Variants in CDK1 observed in about 807,000 individuals in gnomAD.
The protein encoded by CDK1 is cyclin dependent kinase 1.
In CDK1, 5 loss-of-function variants were observed where a neutral mutation model predicts 34.6. The ratio of observed to expected loss-of-function variants is 0.14; its 90% CI spans 0.08 to 0.30. The LOEUF (loss-of-function observed/expected upper bound fraction) is 0.30, where lower values mean the gene tolerates loss of function less well. Among genes scored for constraint, CDK1 ranks in the 10% least tolerant of loss-of-function variants. The pLI is 1.00. For missense variants in CDK1, 157 were observed against 345.7 expected, an observed-to-expected ratio of 0.45 and a Z score of 4.33; for synonymous variants, 108 against 114.7, an observed-to-expected ratio of 0.94 and a Z score of 0.37.
intron 2 of CDK1, among the ~76,000 whole-genome samples, chr10:60,782,421 G>T (rs1431279767): frequency 3.3e-5 from 5 of 151,870 alleles, no homozygotes; most frequent in Non-Finnish European, 7.4e-5. Flanking sequence ...TTGTTCTCTG[G>T]TTTCTTCTGA....
chr10:60,784,587 C>T, intron 2 of CDK1, 118 bp from the exon 3 acceptor site: 1 of 769,174 alleles, frequency 1.3e-6, no homozygotes, highest in Non-Finnish European at 2.1e-6. Context: ...CCTTGATTGA[C>T]CCACTGCACT....
intron 4 of CDK1, chr10:60,786,484 T>G: frequency 2.3e-6 from 1 of 438,576 alleles, no homozygotes. Context: ...AACATTTAAA[T>G]TATTTTCCAA....
chr10:60,785,165 T>C (rs768906867), intron 3 of CDK1, among the ~76,000 whole-genome samples: 2 of 152,176 alleles, frequency 1.3e-5, no homozygotes, highest in Non-Finnish European at 2.9e-5. Context: ...CTTGGGGAGC[T>C]CTAGTTCCTG....
intron 5 of CDK1, among the ~76,000 whole-genome samples, chr10:60,790,353 TC>T (rs1265436353): frequency 1.3e-5 from 2 of 152,070 alleles, no homozygotes; most frequent in Non-Finnish European, 2.9e-5. Context: ...CAGTGATCCT[TC>T]CACGTCAGCC....
chr10:60,781,513 T>C (rs1412766554), intron 2 of CDK1, among the ~76,000 whole-genome samples: 1 of 152,210 alleles, frequency 6.6e-6, no homozygotes, highest in Admixed American at 6.5e-5. Context: ...AACAATATTA[T>C]GGAAAGCATT....
intron 1 of CDK1, among the ~76,000 whole-genome samples, chr10:60,779,438 A>T (rs2080253275): frequency 6.6e-6 from 1 of 151,966 alleles, no homozygotes; most frequent in Non-Finnish European, 1.5e-5. Context: ...TTTTCTGCTT[A>T]GTCCTTGACA....
chr10:60,785,567 T>TA (rs1368049990), intron 3 of CDK1, 97 bp from the exon 4 acceptor site: 6 of 745,032 alleles, frequency 8.1e-6, no homozygotes, highest in African/African-American at 5.3e-5. Context: ...CCCCAGTTTT[T>TA]ATTATAGCAA....
chr10:60,786,138 T>C (rs2080313683), intron 4 of CDK1: 1 of 945,574 alleles, frequency 1.1e-6, no homozygotes, highest in South Asian at 4.9e-5. Flanking sequence ...GTTTTGAACA[T>C]GTTTTGGTCA....
chr10:60,783,935 G>T (rs1386983969), intron 2 of CDK1, among the ~76,000 whole-genome samples: 5 of 152,140 alleles, frequency 3.3e-5, no homozygotes, highest in African/African-American at 1.2e-4. Flanking sequence ...GAGGACTGTT[G>T]ACTGTATTTT....
intron 2 of CDK1, among the ~76,000 whole-genome samples, chr10:60,781,663 A>G (rs1046977255): frequency 3.3e-5 from 5 of 152,124 alleles, no homozygotes; most frequent in Non-Finnish European, 5.9e-5. Flanking sequence ...GATTTCTTTG[A>G]TGTCCTCAAA....
At chr10:60,786,306 T>A (rs750481292) in intron 4 of CDK1, 19 of 974,916 alleles carry the variant, frequency 1.9e-5, no homozygotes, top group Non-Finnish European at 2.3e-5. Context: ...CACTTGTATG[T>A]ATGTTCACTT....
chr10:60,792,694 C>T (rs2080369294), intron 7 of CDK1, among the ~76,000 whole-genome samples: 1 of 152,020 alleles, frequency 6.6e-6, no homozygotes, highest in Non-Finnish European at 1.5e-5. Context: ...GCTTTATTCG[C>T]ACTTTGTACC....
rs1335188877 is a variant in CDK1 at position 60,784,729 on chromosome 10, G to C, written c.62G>C (p.Gly21Ala). Residue 21 changes from glycine to alanine, a missense_variant, in exon 3 of 8, where the codon GGT (glycine) becomes GCT (alanine). Transcript: ENST00000395284. ...GGTACCTATGGAGTTGTGTATAAGG[G>C]TAGACACAAAACTACAGGTCAAGTG... ...GEGTYGVVYKGRHKTTGQVVA... is the reference protein window; with the variant it reads ...GEGTYGVVYKARHKTTGQVVA... 1 of 1,612,476 alleles carries C rather than the reference G, an allele frequency of 6.2e-7. No individual in the cohort carries two copies. The highest frequency in any genetic ancestry group is 8.5e-7 in the Non-Finnish European group (1 of 1,178,714).
chr10:60,785,465 C>T (rs2080307600), intron 3 of CDK1, among the ~76,000 whole-genome samples, 199 bp from the exon 4 acceptor site: 1 of 152,118 alleles, frequency 6.6e-6, no homozygotes, highest in African/African-American at 2.4e-5. Context: ...TAAGCACCTC[C>T]TGTACAAGGC....
At chr10:60,788,626 C>T (rs1263781638) in intron 5 of CDK1, among the ~76,000 whole-genome samples, 2 of 152,088 alleles carry the variant, frequency 1.3e-5, no homozygotes, top group African/African-American at 2.4e-5. Flanking sequence ...TGACTGAACC[C>T]TCCCTGATTA....
intron 2 of CDK1, chr10:60,783,644 G>T (rs1393199909): frequency 6.6e-6 from 1 of 152,034 alleles, no homozygotes; most frequent in East Asian, 1.9e-4. Flanking sequence ...ACTCCAACTC[G>T]AGTTTAAAAA....
At chr10:60,781,889 T>C (rs2080276493) in intron 2 of CDK1, among the ~76,000 whole-genome samples, 1 of 152,236 alleles carries the variant, frequency 6.6e-6, no homozygotes, top group Admixed American at 6.5e-5. Context: ...CCACAGGAGA[T>C]AGCCAAATAG....
At chr10:60,779,886 A>G (rs2448343) in intron 1 of CDK1, among the ~76,000 whole-genome samples, 90,347 of 151,412 alleles carry the variant, frequency 0.6, 27,361 homozygotes, top group East Asian at 0.76. Context: ...TTTGAGGGTT[A>G]TTTTGATTGG....
rs574355169 is a variant in CDK1 at position 60,784,619 on chromosome 10, G to GA, written c.38-85dup. ...CACTCCAACCTGGACAAGAAAACAA[G>GA]ACCCTGCCATAAGGAAAAAAAAAAA... On this transcript the variant is annotated intron_variant, in intron 2 of 7. Transcript: ENST00000395284. 2.7e-4 allele frequency: 316 copies of GA among 1,152,484 alleles called. 2 individuals carry two copies. The South Asian group carries it at 3.6e-3, about 13-fold the overall frequency. The allele number at this position is 1,152,484 out of a possible 1,614,324, so 71.4% of individuals were successfully genotyped here.
Sources: gnomAD v4.1 joint callset for allele counts (sites outside exome capture counted in the v4.1 genomes callset) on GRCh38, gnomAD v4.1.1 for gene constraint, MANE v1.5 for transcripts, NCBI Gene and HGNC (gene_info 2026-07-23, HGNC 2026-07-21) for gene names.